CKAP5: variants seen among roughly 807,000 people sequenced by gnomAD.
CKAP5 encodes the protein cytoskeleton-associated protein 5.
A neutral mutation model predicts 232.8 loss-of-function variants in CKAP5; 27 were observed. The observed-to-expected ratio is 0.12, with a 90% CI of 0.09 to 0.16. CKAP5 has a LOEUF of 0.16. CKAP5 is among the 10% of genes least tolerant of loss of function. The pLI is 1.00. For missense variants in CKAP5, 1,838 were observed against 2,424.7 expected, an observed-to-expected ratio of 0.76 and a Z score of 5.08; for synonymous variants, 785 against 841.1, an observed-to-expected ratio of 0.93 and a Z score of 1.16.
At chr11:46,770,718 C>T (rs756651511) in intron 25 of CKAP5, 70 bp downstream of exon 25, 34 of 1,428,020 alleles carry the variant, frequency 2.4e-5, no homozygotes, top group Admixed American at 3.7e-5. Context: ...CGTGAGCCAC[C>T]GTGCCAGGCC....
intron 1 of CKAP5, among the ~76,000 whole-genome samples, chr11:46,842,299 A>G (rs1940073744): frequency 6.6e-6 from 1 of 152,210 alleles, no homozygotes; most frequent in Non-Finnish European, 1.5e-5. Context: ...TTTGTACATT[A>G]GTATCATAAG....
chr11:46,757,149 C>G (rs138877465), intron 35 of CKAP5, among the ~76,000 whole-genome samples: 2 of 152,144 alleles, frequency 1.3e-5, no homozygotes, highest in Non-Finnish European at 2.9e-5. Context: ...TTAGAATTAT[C>G]AGCAAAGTGA....
chr11:46,750,460 G>T, intron 41 of CKAP5, 27 bp from the exon 42 acceptor site: 1 of 1,613,274 alleles, frequency 6.2e-7, no homozygotes, highest in Non-Finnish European at 8.5e-7. Flanking sequence ...GGGAAGAGGT[G>T]GGGATGAATG....
intron 24 of CKAP5, among the ~76,000 whole-genome samples, chr11:46,774,492 A>G (rs1488569001): frequency 1.3e-5 from 2 of 152,232 alleles, no homozygotes; most frequent in Non-Finnish European, 2.9e-5. Context: ...AAACTACTTT[A>G]AATTTCATAT....
intron 4 of CKAP5, among the ~76,000 whole-genome samples, chr11:46,812,755 A>C (rs1370795393): frequency 1.3e-5 from 2 of 151,454 alleles, no homozygotes; most frequent in African/African-American, 4.9e-5. Context: ...CTCCAGACTC[A>C]GTCCCCCAAG....
At chr11:46,750,238 TGAGCTTATTCCTG>T (rs2065053262) in intron 42 of CKAP5, 23 bp downstream of exon 42, 1 of 1,594,742 alleles carries the variant, frequency 6.3e-7, no homozygotes, top group African/African-American at 1.4e-5. Flanking sequence ...GGAGCTATTT[TGAGCTTATTCCTG>T]GAGCTATAAC....
At chr11:46,760,513 A>G in intron 33 of CKAP5, 99 bp downstream of exon 33, 1 of 1,150,342 alleles carries the variant, frequency 8.7e-7, no homozygotes, top group African/African-American at 1.5e-5. Context: ...ATGCATGATA[A>G]TGGCTACAAG....
intron 35 of CKAP5, among the ~76,000 whole-genome samples, chr11:46,757,616 C>G (rs912658852): frequency 9.9e-5 from 15 of 151,922 alleles, no homozygotes; most frequent in Admixed American, 8.5e-4. Context: ...GGAGCGAGAT[C>G]TCGCTCTGTC....
At chr11:46,773,436 A>T (rs2065266498) in intron 24 of CKAP5, among the ~76,000 whole-genome samples, 1 of 151,518 alleles carries the variant, frequency 6.6e-6, no homozygotes, top group Non-Finnish European at 1.5e-5. Flanking sequence ...TTTGGTAGAG[A>T]TGGGGTTTCA....
At chr11:46,753,918 AT>A (rs1251764788) in intron 36 of CKAP5, among the ~76,000 whole-genome samples, 1 of 151,784 alleles carries the variant, frequency 6.6e-6, no homozygotes, top group Non-Finnish European at 1.5e-5. Flanking sequence ...AATTCAGAGT[AT>A]TAAAGAAAAA....
At chr11:46,774,010 A>C (rs892551645) in intron 24 of CKAP5, among the ~76,000 whole-genome samples, 2 of 152,198 alleles carry the variant, frequency 1.3e-5, no homozygotes, top group Admixed American at 1.3e-4. Flanking sequence ...TATTATTGGA[A>C]GTTCTAGCCA....
intron 26 of CKAP5, among the ~76,000 whole-genome samples, chr11:46,768,524 C>G (rs549023721): frequency 6.6e-6 from 1 of 152,328 alleles, no homozygotes; most frequent in East Asian, 1.9e-4. Context: ...TATTCAGTAT[C>G]TGCTACATAG....
intron 1 of CKAP5, among the ~76,000 whole-genome samples, chr11:46,843,419 C>G (rs1940107095): frequency 6.6e-6 from 1 of 151,666 alleles, no homozygotes. Flanking sequence ...TGGTGAAGCC[C>G]CGAACAGGGC....
In CKAP5 at chr11:46,743,549, T is replaced by C. The variant is rs1295665361; in HGVS notation, c.*474A>G. On this transcript the variant is annotated 3_prime_UTR_variant, in exon 44 of 44. Coordinates refer to ENST00000529230, the MANE Select transcript of CKAP5 (RefSeq NM_001008938.4). ...CATCTTGGGAGTCAGGTATAGTTAA[T>C]GCAAACTTTATTTATAAAAGACTCT... 6.2e-6 allele frequency: 1 copy of C among 162,424 alleles called. No homozygotes were observed. Among genetic ancestry groups the C allele is most frequent in the Non-Finnish European group, 1.4e-5 (1 of 72,828 alleles). 10.1% of individuals were successfully genotyped at this position (162,424 alleles called of 1,614,324 possible).
rs530309179 is a variant in CKAP5 at position 46,759,620 on chromosome 11, T to C, written c.4395-178A>G. On this transcript the variant is annotated intron_variant, in intron 33 of 43. Coordinates refer to ENST00000529230, the MANE Select transcript of CKAP5 (RefSeq NM_001008938.4). ...TGCCTTTAATAGGTAACAACATTGG[T>C]TCATGAATATCCTAAGAGGGCAGAT... Among the ~76,000 whole-genome samples, 3 of 152,334 alleles carry C rather than the reference T, an allele frequency of 2.0e-5. No homozygotes were observed. The East Asian group carries it at 5.8e-4, about 29-fold the overall frequency.
intron 20 of CKAP5, 62 bp from the exon 21 acceptor site, chr11:46,778,661 T>TA: frequency 7.2e-7 from 1 of 1,388,288 alleles, no homozygotes. Context: ...ACAAACAAAT[T>TA]AGAGAGGGTG....
At chr11:46,842,506 T>C (rs966471072) in intron 1 of CKAP5, among the ~76,000 whole-genome samples, 13 of 152,174 alleles carry the variant, frequency 8.5e-5, no homozygotes, top group Non-Finnish European at 1.6e-4. Context: ...GTGGATAACC[T>C]TACTGTTGCA....
At chr11:46,767,752 G>T in intron 26 of CKAP5, 89 bp from the exon 27 acceptor site, 2 of 768,992 alleles carry the variant, frequency 2.6e-6, no homozygotes, top group Non-Finnish European at 2.0e-6. Flanking sequence ...TGACAAGGAA[G>T]CTTGCAGTCT....
chr11:46,821,543 G>C (rs2134691597), intron 1 of CKAP5, among the ~76,000 whole-genome samples: 2 of 148,190 alleles, frequency 1.3e-5, no homozygotes, highest in South Asian at 4.3e-4. Context: ...TCCTGCCTCA[G>C]CCTCCCGAGT....
Sources: allele counts gnomAD v4.1 joint callset (sites outside exome capture counted in the v4.1 genomes callset), GRCh38; gene constraint gnomAD v4.1.1; transcripts MANE v1.5; gene names NCBI Gene and HGNC (gene_info 2026-07-23, HGNC 2026-07-21).